Variants in TLE6 observed in about 807,000 individuals in gnomAD.
The protein encoded by TLE6 is TLE family member 6, subcortical maternal complex member.
Under a neutral mutation model 77.1 loss-of-function variants are expected in TLE6, and 72 were observed. The ratio of observed to expected loss-of-function variants is 0.93; its 90% confidence interval spans 0.77 to 1.14. The LOEUF is 1.14. Ranked by LOEUF, TLE6 falls within the 50% of genes most tolerant of loss-of-function variation. The pLI is 0.00. For synonymous variants in TLE6, 366 were observed against 287.3 expected (o/e 1.27, Z -2.77); for missense variants, 843 against 747.6 (o/e 1.13, Z -1.49).
chr19:2,989,099 G>C lies in TLE6; in HGVS notation c.779G>C (p.Arg260Thr). 6.2e-7 allele frequency: 1 copy of C among 1,614,124 alleles called. No homozygotes were observed. Among genetic ancestry groups the C allele is most frequent in the Non-Finnish European group, 8.5e-7 (1 of 1,180,040 alleles). ...GAGGACTTTGAAGATGCATGGAAGAGGCCAGATGCCTTGCCCGGGCAGTCA... is the reference window on the plus strand; with the variant it reads ...GAGGACTTTGAAGATGCATGGAAGACGCCAGATGCCTTGCCCGGGCAGTCA... ...DPEDFEDAWK[R>T]PDALPGQSKR... The change falls in exon 12 of 17, where the codon AGG (arginine) becomes ACG (threonine). Residue 260 changes from arginine (R) to threonine (T), a missense_variant. Coordinates refer to ENST00000246112, the MANE Select transcript of TLE6 (RefSeq NM_001143986.2).
chr19:2,987,139 T>G lies in TLE6; in HGVS notation c.442T>G (p.Trp148Gly). The change falls in exon 7 of 17, where the codon TGG becomes GGG. Residue 148 changes from tryptophan to glycine, a missense_variant. Physicochemically the swap from Trp to Gly is radical, Grantham distance 184. Coordinates refer to ENST00000246112, the MANE Select transcript of TLE6 (RefSeq NM_001143986.2). The part of the protein sequence containing the change: ...EDNQPETQLF[W>G]DKEPWFWHDT... ...CAATCAGCCGGAGACCCAGCTGTTCTGGGACAAGGAGCCTTGGTTTTGGCA... is the reference window on the plus strand; with the variant it reads ...CAATCAGCCGGAGACCCAGCTGTTCGGGGACAAGGAGCCTTGGTTTTGGCA... 1 of 1,614,066 alleles carries G rather than the reference T, an allele frequency of 6.2e-7. No homozygotes were observed. The highest frequency in any genetic ancestry group is 8.5e-7 in the Non-Finnish European group (1 of 1,180,032).
intron 5 of TLE6, among the ~76,000 whole-genome samples, chr19:2,985,307 C>T (rs1372580552): frequency 2.0e-5 from 3 of 151,720 alleles, no homozygotes; most frequent in African/African-American, 7.3e-5. Flanking sequence ...GCAGGTAACC[C>T]TCAGTTTCTT....
intron 16 of TLE6, among the ~76,000 whole-genome samples, chr19:2,994,693 A>C (rs2089169518): frequency 6.6e-6 from 1 of 151,774 alleles, no homozygotes. Context: ...GGTCCCAGCT[A>C]CTTGGGAGGC....
At position 2,981,532 on chromosome 19, in the gene TLE6, C is replaced by G. The variant is rs1454236996; in HGVS notation, c.135-6C>G. On this transcript the variant is annotated splice_region_variant and splice_polypyrimidine_tract_variant and intron_variant, in intron 3 of 16. Transcript: ENST00000246112. ...GGTCTTCCAGCCTGTCCTCCTTCCC[C>G]CTCAGGTTTTCTCCTCATTTTGCTG... 6.4e-7 allele frequency: 1 copy of G among 1,551,462 alleles called. No individual in the cohort carries two copies. Among genetic ancestry groups the G allele is most frequent in the East Asian group, 2.4e-5 (1 of 40,918 alleles).
intron 5 of TLE6, among the ~76,000 whole-genome samples, chr19:2,983,559 G>A (rs1006711893): frequency 2.0e-5 from 3 of 151,132 alleles, no homozygotes; most frequent in Non-Finnish European, 1.5e-5. Context: ...GCAGGACGGT[G>A]CCTGTTGTGT....
At position 2,980,175 on chromosome 19, in the gene TLE6, T is replaced by C. The variant is rs2088768834; in HGVS notation, c.127T>C (p.Phe43Leu). The change falls in exon 3 of 17, where the codon TTC (phenylalanine) becomes CTC (leucine). Residue 43 changes from phenylalanine to leucine, a missense_variant. Coordinates refer to ENST00000246112, the MANE Select transcript of TLE6 (RefSeq NM_001143986.2). ...GGGCATTCTAAATCGGCTCAAGCAG[T>C]TCCCCAGGTGAGAGCAATTCCAGGG... ...YQGILNRLKQ[F>L]PRFSPHFAAE... The C allele has an allele frequency of 6.5e-7, 1 of 1,546,512 alleles. No homozygotes were observed. Among genetic ancestry groups the C allele is most frequent in the Non-Finnish European group, 8.7e-7 (1 of 1,143,770 alleles).
chr19:2,988,024 G>C lies in TLE6; in HGVS notation c.702+50G>C, dbSNP rs1335991548. 7 of 1,582,954 alleles carry C rather than the reference G, an allele frequency of 4.4e-6. No individual in the cohort carries two copies. In the South Asian group the frequency reaches 6.9e-5, roughly 16 times the overall value. ...GCCCAGCGTGAAGGCTGCCCAGGGT[G>C]GGGTAGAGGAGGTGGGCACAGATGT... On this transcript the variant is annotated intron_variant, in intron 10 of 16. Coordinates refer to ENST00000246112, the MANE Select transcript of TLE6 (RefSeq NM_001143986.2).
Position 2,987,047 on chromosome 19 carries a change from A to G in TLE6, c.350A>G (p.Glu117Gly). 1 of 1,614,118 alleles carries G rather than the reference A, an allele frequency of 6.2e-7. No individual in the cohort carries two copies. Among genetic ancestry groups the G allele is most frequent in the East Asian group, 2.2e-5 (1 of 44,878 alleles). Reference protein sequence around the residue: ...PQQVKDKTLQESSFEDIMATR... With the variant: ...PQQVKDKTLQGSSFEDIMATR... ...CAGGTGAAGGACAAGACCCTGCAGG[A>G]GTCGAGCTTTGAGGACATCATGGCC... The change falls in exon 7 of 17, where the codon GAG becomes GGG. Residue 117 changes from glutamate to glycine, a missense_variant. Glu to Gly is a moderately conservative substitution (Grantham distance 98). Transcript: ENST00000246112.
At position 2,987,169 on chromosome 19, in the gene TLE6, A is replaced by G. The variant is rs1025421548; in HGVS notation, c.472A>G (p.Thr158Ala). The G allele has an allele frequency of 3.7e-6, 6 of 1,613,922 alleles. No individual in the cohort carries two copies. The highest frequency in any genetic ancestry group is 3.3e-4 in the Middle Eastern group (2 of 6,062). Residue 158 changes from threonine (T) to alanine (A), a missense_variant, in exon 7 of 17, where the codon ACT becomes GCT. By Grantham distance (58) the Thr-to-Ala change is moderately conservative. Transcript: ENST00000246112. ...WDKEPWFWHD[T>A]LTEQLWRIFA... Reference sequence around the variant, plus strand: ...CAAGGAGCCTTGGTTTTGGCACGACACTCTGACCGAGCAACTCTGGCGGAT... The same window carrying G: ...CAAGGAGCCTTGGTTTTGGCACGACGCTCTGACCGAGCAACTCTGGCGGAT...
chr19:2,987,066 C>T lies in TLE6; in HGVS notation c.369C>T (p.Ile123=). 1.2e-6 allele frequency: 2 copies of T among 1,614,156 alleles called. No homozygotes were observed. The highest frequency in any genetic ancestry group is 1.7e-6 in the Non-Finnish European group (2 of 1,180,016). The part of the protein sequence containing the change: ...KTLQESSFED[I]MATRSSDWLR... ...TGCAGGAGTCGAGCTTTGAGGACATCATGGCCACCAGGTCCTCCGACTGGC... is the reference window on the plus strand; with the variant it reads ...TGCAGGAGTCGAGCTTTGAGGACATTATGGCCACCAGGTCCTCCGACTGGC... The change falls in exon 7 of 17, where the codon ATC becomes ATT. Residue 123 remains isoleucine (I), a synonymous_variant. Coordinates refer to ENST00000246112, the MANE Select transcript of TLE6 (RefSeq NM_001143986.2).
rs1290683983 is a variant in TLE6, at chr19:2,980,739, A to T, written c.134+557A>T. On this transcript the variant is annotated intron_variant, in intron 3 of 16. Transcript: ENST00000246112. ...GGCTACAGAGTGAGACTCGGTCTTT[A>T]AAAAAAAAAAAAAAAAAAAGTACTG... is the stretch of plus-strand genomic sequence containing the variant. Among the ~76,000 whole-genome samples the T allele has an allele frequency of 2.2e-4, 23 of 106,854 alleles. No individual in the cohort carries two copies. In the South Asian group the frequency reaches 4.9e-3, roughly 23 times the overall value. 70.1% of individuals were successfully genotyped at this position (106,854 alleles called of 152,430 possible).
chr19:2,991,225 G>A (rs1404717482), intron 13 of TLE6, among the ~76,000 whole-genome samples: 1 of 151,040 alleles, frequency 6.6e-6, no homozygotes, highest in Non-Finnish European at 1.5e-5. Flanking sequence ...CAGGCGTGGT[G>A]GCCCATGCCT....
At chr19:2,988,855 G>GC (rs1214056692) in intron 11 of TLE6, 2 of 699,842 alleles carry the variant, frequency 2.9e-6, no homozygotes, top group African/African-American at 3.6e-5. Flanking sequence ...TAGGAAGAAG[G>GC]CAGAAGTATG....
chr19:2,978,999 T>G (rs1318478606), intron 2 of TLE6, among the ~76,000 whole-genome samples: 1 of 152,136 alleles, frequency 6.6e-6, no homozygotes, highest in African/African-American at 2.4e-5. Context: ...TCACCTCGGC[T>G]GGAATGCAAT....
chr19:2,994,946 A>T lies in TLE6; in HGVS notation c.1661A>T (p.Asn554Ile). Residue 554 changes from asparagine (N) to isoleucine (I), a missense_variant, in exon 17 of 17, where the codon AAC becomes ATC. By Grantham distance (149) the Asn-to-Ile change is moderately radical. Coordinates refer to ENST00000246112, the MANE Select transcript of TLE6 (RefSeq NM_001143986.2). ...PVTCCDVSSN[N>I]RLVVTGSGEH... ...ACGTGCTGTGACGTCTCTTCCAACA[A>T]CCGCCTCGTTGTCACAGGCTCCGGG... The T allele has an allele frequency of 6.2e-7, 1 of 1,608,536 alleles. No homozygotes were observed. The highest frequency in any genetic ancestry group is 1.1e-5 in the South Asian group (1 of 90,000).
chr19:2,980,546 G>GC (rs1247374580), intron 3 of TLE6: 1 of 175,600 alleles, frequency 5.7e-6, no homozygotes, highest in African/African-American at 2.4e-5. Flanking sequence ...GATCAGCCTG[G>GC]CCAACATGGT....
At chr19:2,991,766 A>G (rs1339350925) in intron 13 of TLE6, 77 bp from the exon 14 acceptor site, 19 of 1,463,774 alleles carry the variant, frequency 1.3e-5, no homozygotes, top group Non-Finnish European at 1.7e-5. Flanking sequence ...TCATGCCCAA[A>G]TGTAGTGACT....
intron 5 of TLE6, among the ~76,000 whole-genome samples, chr19:2,983,037 C>T (rs1211040372): frequency 6.6e-6 from 1 of 152,140 alleles, no homozygotes; most frequent in Non-Finnish European, 1.5e-5. Flanking sequence ...TGCCTGTCCT[C>T]CCGCCACCTG....
chr19:2,990,782 C>T (rs553110984), intron 13 of TLE6, among the ~76,000 whole-genome samples: 37 of 151,486 alleles, frequency 2.4e-4, no homozygotes, highest in African/African-American at 8.0e-4. Context: ...GGGTGGATCA[C>T]TTGAGGCCAG....
Sources: allele counts gnomAD v4.1 joint callset (sites outside exome capture counted in the v4.1 genomes callset), GRCh38; gene constraint gnomAD v4.1.1; transcripts MANE v1.5; gene names NCBI Gene and HGNC (gene_info 2026-07-23, HGNC 2026-07-21).